Variants in TOP1MT observed in about 807,000 individuals in gnomAD.
The protein encoded by TOP1MT is DNA topoisomerase I, mitochondrial.
Under a neutral mutation model 73.9 loss-of-function variants are expected in TOP1MT, and 80 were observed. That is an observed-to-expected ratio of 1.08 (90% CI 0.90 to 1.30). TOP1MT has a LOEUF of 1.30. TOP1MT is among the 50% of genes most tolerant of loss of function. The pLI, the probability that TOP1MT is intolerant of heterozygous loss-of-function variation, is 0.00. For missense variants in TOP1MT, 815 were observed against 808.0 expected (o/e 1.01, Z -0.10); for synonymous variants, 338 against 326.4 (o/e 1.04, Z -0.38).
At chr8:143,324,756 T>C (rs13250865) in intron 5 of TOP1MT, 127 bp from the exon 6 acceptor site, 115,883 of 1,236,150 alleles carry the variant, frequency 0.094, 5,913 homozygotes, top group Non-Finnish European at 0.1. Flanking sequence ...TGACCGAGTC[T>C]GGCATCAGAG....
Position 143,321,356 on chromosome 8 carries a change from C to T in TOP1MT, c.991G>A (p.Asp331Asn), listed in dbSNP as rs377591039. 29 of 1,595,002 alleles carry T rather than the reference C, an allele frequency of 1.8e-5. No homozygotes were observed. The highest frequency in any genetic ancestry group is 1.1e-4 in the East Asian group (5 of 44,468). ...LALRAGNEKEDGEAADTVGCC... is the reference protein window; with the variant it reads ...LALRAGNEKENGEAADTVGCC... ...CCCACGGTGTCGGCCGCCTCACCGTCCTCCTTCTCATTTCCTGCTCTCAGT... is the reference window on the plus strand; with the variant it reads ...CCCACGGTGTCGGCCGCCTCACCGTTCTCCTTCTCATTTCCTGCTCTCAGT... The change falls in exon 8 of 14, where the codon GAC becomes AAC. Residue 331 changes from aspartate (D) to asparagine (N), a missense_variant. Asp to Asn is a conservative substitution (Grantham distance 23). This residue lies in a region of TOP1MT where 751 missense variants were observed against 725.4 expected (regional missense o/e 1.04). Coordinates refer to ENST00000329245, the MANE Select transcript of TOP1MT (RefSeq NM_052963.3).
intron 10 of TOP1MT, among the ~76,000 whole-genome samples, chr8:143,316,705 A>G (rs1586751325): frequency 6.6e-6 from 1 of 152,112 alleles, no homozygotes; most frequent in East Asian, 1.9e-4. Context: ...CGTTGTCTCC[A>G]TTTTCCAGTC....
upstream of TOP1MT, among the ~76,000 whole-genome samples, chr8:143,356,353 G>A (rs377408191): frequency 1.3e-5 from 2 of 152,218 alleles, no homozygotes; most frequent in South Asian, 2.1e-4. Context: ...CCCTACACAC[G>A]ACCCAGGCAG....
intron 1 of TOP1MT, chr8:143,350,256 T>G (rs1817298389): frequency 6.6e-6 from 1 of 152,206 alleles, no homozygotes. Flanking sequence ...GACAGGCAAA[T>G]TCATCACGCT....
upstream of TOP1MT, among the ~76,000 whole-genome samples, chr8:143,336,123 G>A (rs986247600): frequency 6.6e-6 from 1 of 152,264 alleles, no homozygotes; most frequent in African/African-American, 2.4e-5. Context: ...GAATCCTGAG[G>A]TCAATGTGTT....
intron 1 of TOP1MT, among the ~76,000 whole-genome samples, chr8:143,354,924 A>C (rs963936965): frequency 2.0e-5 from 3 of 152,164 alleles, no homozygotes; most frequent in African/African-American, 7.2e-5. Flanking sequence ...GAAAAAAAGG[A>C]AAGTGACGGA....
chr8:143,310,437 G>A, intron 12 of TOP1MT: 1 of 428,760 alleles, frequency 2.3e-6, no homozygotes, highest in Non-Finnish European at 4.1e-6. Context: ...GTGGGCGGAG[G>A]GTGAGCAGCC....
intron 8 of TOP1MT, among the ~76,000 whole-genome samples, chr8:143,319,751 C>A (rs1342509747): frequency 6.6e-6 from 1 of 152,084 alleles, no homozygotes; most frequent in Non-Finnish European, 1.5e-5. Flanking sequence ...AGGGCAGCCC[C>A]TCCCAGGTGT....
chr8:143,356,049 G>A (rs1817402045), upstream of TOP1MT: 1 of 152,260 alleles, frequency 6.6e-6, no homozygotes, highest in Non-Finnish European at 1.5e-5. Flanking sequence ...TAAGTCACAA[G>A]AGAACAGGGT....
chr8:143,323,837 A>G (rs1363571287), intron 7 of TOP1MT, among the ~76,000 whole-genome samples, 162 bp downstream of exon 7: 1 of 151,846 alleles, frequency 6.6e-6, no homozygotes, highest in East Asian at 1.9e-4. Context: ...CCCTACACAC[A>G]TGTTCACACC....
At chr8:143,353,997 G>T (rs1303756174) in intron 1 of TOP1MT, among the ~76,000 whole-genome samples, 1 of 131,354 alleles carries the variant, frequency 7.6e-6, no homozygotes, top group Non-Finnish European at 1.6e-5. Flanking sequence ...AAAGTCTGTT[G>T]GTTCTTCAGT....
At chr8:143,320,381 T>C (rs972081999) in intron 8 of TOP1MT, among the ~76,000 whole-genome samples, 5 of 152,054 alleles carry the variant, frequency 3.3e-5, no homozygotes, top group African/African-American at 1.2e-4. Context: ...CCACCCGCCT[T>C]GGCCTCCCAA....
At chr8:143,356,518 T>A (rs1320794195), upstream of TOP1MT, among the ~76,000 whole-genome samples, 3 of 152,250 alleles carry the variant, frequency 2.0e-5, no homozygotes, top group Non-Finnish European at 4.4e-5. Flanking sequence ...CCAGGTGCAG[T>A]GGCTCACGCC....
In TOP1MT at chr8:143,321,212, C is replaced by T. The variant is rs763039733; in HGVS notation, c.1135G>A (p.Val379Met). 2.4e-5 allele frequency: 38 copies of T among 1,598,650 alleles called. No homozygotes were observed. The East Asian group carries it at 8.6e-4, about 36-fold the overall frequency. Residue 379 changes from valine (V) to methionine (M), a missense_variant, in exon 8 of 14, where the codon GTG becomes ATG. Physicochemically the swap from Val to Met is conservative, Grantham distance 21 (BLOSUM62 1). Coordinates refer to ENST00000329245, the MANE Select transcript of TOP1MT (RefSeq NM_052963.3). ...GCGAGGGCACTCACCGGCTTCTCCACCGGCACTCTGTTGTAGTAGCGGATG... is the reference window on the plus strand; with the variant it reads ...GCGAGGGCACTCACCGGCTTCTCCATCGGCACTCTGTTGTAGTAGCGGATG... ...DCIRYYNRVP[V>M]EKPVYKNLQL...
At chr8:143,310,272 G>A (rs193193249) in intron 12 of TOP1MT, 55 bp from the exon 13 acceptor site, 2 of 1,372,508 alleles carry the variant, frequency 1.5e-6, no homozygotes, top group African/African-American at 2.9e-5. Context: ...GCCACCTGAG[G>A]AGACCTGCAC....
rs149788858 is a variant in TOP1MT at position 143,322,795 on chromosome 8, C to CA, written c.960+1203dup. Among the ~76,000 whole-genome samples, 137 of 25,590 alleles carry CA rather than the reference C, an allele frequency of 5.4e-3. 25 individuals carry two copies. Among genetic ancestry groups the CA allele is most frequent in the East Asian group, 0.016 (4 of 246 alleles). 16.8% of individuals were successfully genotyped at this position (25,590 alleles called of 152,430 possible). ...CACACACAGGCACGCCACACACATGCACACACACATGCATGCCACACACAG... is the reference window on the plus strand; with the variant it reads ...CACACACAGGCACGCCACACACATGCAACACACACATGCATGCCACACACAG... On this transcript the variant is annotated intron_variant, in intron 7 of 13. Coordinates refer to ENST00000329245, the MANE Select transcript of TOP1MT (RefSeq NM_052963.3).
intron 1 of TOP1MT, among the ~76,000 whole-genome samples, chr8:143,354,224 G>A (rs1817369028): frequency 6.6e-6 from 1 of 152,044 alleles, no homozygotes; most frequent in Non-Finnish European, 1.5e-5. Context: ...TTTCGGCTGT[G>A]AAAGGGAATG....
chr8:143,323,583 G>T (rs868608850), intron 7 of TOP1MT, among the ~76,000 whole-genome samples: 269 of 11,302 alleles, frequency 0.024, 1 homozygote, highest in East Asian at 0.058. Context: ...CACACACACA[G>T]GCACGCCACA....
upstream of TOP1MT, among the ~76,000 whole-genome samples, chr8:143,358,225 A>G (rs774434381): frequency 1.2e-4 from 18 of 152,236 alleles, no homozygotes; most frequent in Non-Finnish European, 2.4e-4. Flanking sequence ...TTCCAGCCTT[A>G]TCTGCCCAGT....
Sources: gnomAD v4.1 joint callset for allele counts (sites outside exome capture counted in the v4.1 genomes callset) on GRCh38, gnomAD v4.1.1 for gene constraint, gnomAD v4.1.1 regional missense constraint, MANE v1.5 for transcripts, NCBI Gene and HGNC (gene_info 2026-07-23, HGNC 2026-07-21) for gene names.